Variants in CHMP2B observed in about 807,000 individuals in gnomAD.
CHMP2B encodes VPS2 homolog B.
In CHMP2B, 22 loss-of-function variants were observed where a neutral mutation model predicts 29.8. The ratio of observed to expected loss-of-function variants is 0.74; its 90% confidence interval spans 0.53 to 1.05. CHMP2B has a LOEUF of 1.05. CHMP2B is among the 50% of genes least tolerant of loss of function. CHMP2B has a pLI of 0.00. For synonymous variants in CHMP2B, 78 were observed against 75.8 expected (o/e 1.03, Z -0.15); for missense variants, 261 against 252.2 (o/e 1.03, Z -0.24).
chr3:87,249,361 A>G (rs979835090), intron 3 of CHMP2B, among the ~76,000 whole-genome samples: 1 of 152,132 alleles, frequency 6.6e-6, no homozygotes, highest in Non-Finnish European at 1.5e-5. Flanking sequence ...TGAATATATA[A>G]TGTAAGAGAA....
At chr3:87,230,228 C>T (rs1172069728) in intron 1 of CHMP2B, among the ~76,000 whole-genome samples, 4 of 152,088 alleles carry the variant, frequency 2.6e-5, no homozygotes, top group Admixed American at 2.0e-4. Context: ...TCTTTAAACA[C>T]TATATAATTT....
rs1200391966 is a variant in CHMP2B, at chr3:87,249,341, A to G, written c.322-534A>G. Among the ~76,000 whole-genome samples the G allele has an allele frequency of 2.0e-5, 3 of 152,192 alleles. No homozygotes were observed. The East Asian group carries it at 5.8e-4, about 29-fold the overall frequency. ...ACTAGAGAACATGAATCTCTTAATG[A>G]AATGAGTTGTGAATATATAATGTAA... is the stretch of plus-strand genomic sequence containing the variant. On this transcript the variant is annotated intron_variant, in intron 3 of 5. Transcript: ENST00000263780.
At chr3:87,250,669 T>G (rs1309913821) in intron 4 of CHMP2B, among the ~76,000 whole-genome samples, 1 of 151,984 alleles carries the variant, frequency 6.6e-6, no homozygotes, top group African/African-American at 2.4e-5. Flanking sequence ...TTTAATATCA[T>G]TTAACATCAG....
rs775142652 is a variant in CHMP2B, at chr3:87,240,754, A to C, written c.90A>C (p.Arg30Ser). 4 of 1,613,706 alleles carry C rather than the reference A, an allele frequency of 2.5e-6. No individual in the cohort carries two copies. The highest frequency in any genetic ancestry group is 1.3e-5 in the African/African-American group (1 of 75,014). Residue 30 changes from arginine to serine, a missense_variant, in exon 2 of 6, where the codon AGA becomes AGC. Physicochemically the swap from Arg to Ser is moderately radical, Grantham distance 110. Coordinates refer to ENST00000263780, the MANE Select transcript of CHMP2B (RefSeq NM_014043.4). ...GAGGTACACAGAGGGCTATAATCAG[A>C]GATCGAGCAGCTTTAGAGAAACAAG... ...ELRGTQRAII[R>S]DRAALEKQEK...
chr3:87,248,006 T>C (rs1706245391), intron 3 of CHMP2B, among the ~76,000 whole-genome samples: 1 of 151,938 alleles, frequency 6.6e-6, no homozygotes, highest in African/African-American at 2.4e-5. Flanking sequence ...AGAGAAAGTT[T>C]CAAGCCTCAA....
intron 2 of CHMP2B, among the ~76,000 whole-genome samples, chr3:87,242,051 G>T (rs916895324): frequency 6.6e-6 from 1 of 152,096 alleles, no homozygotes; most frequent in Non-Finnish European, 1.5e-5. Flanking sequence ...CACTAATGAT[G>T]TTGAACATCT....
intron 1 of CHMP2B, among the ~76,000 whole-genome samples, chr3:87,239,401 G>T (rs755551701): frequency 2.6e-5 from 4 of 152,056 alleles, no homozygotes; most frequent in Non-Finnish European, 5.9e-5. Flanking sequence ...TTACATTTAG[G>T]TTATTGGTCT....
chr3:87,245,525 A>T (rs1160090406), intron 2 of CHMP2B, among the ~76,000 whole-genome samples, 189 bp from the exon 3 acceptor site: 1 of 150,964 alleles, frequency 6.6e-6, no homozygotes, highest in Non-Finnish European at 1.5e-5. Context: ...TGTCCTTTCC[A>T]TGTAAACATG....
rs1706350609 is a variant in CHMP2B at position 87,253,464 on chromosome 3, T to A, written c.485T>A (p.Ile162Asn). 1 of 1,611,932 alleles carries A rather than the reference T, an allele frequency of 6.2e-7. No homozygotes were observed. Among genetic ancestry groups the A allele is most frequent in the African/African-American group, 1.3e-5 (1 of 74,858 alleles). ...GATGACGAAGAAGAAAGCCAGGATA[T>A]TGTGAATCAAGTTCTTGATGAAATT... ...GSDDEEESQD[I>N]VNQVLDEIGI... Residue 162 changes from isoleucine to asparagine, a missense_variant, in exon 5 of 6, where the codon ATT becomes AAT. Physicochemically the swap from Ile to Asn is moderately radical, Grantham distance 149 (BLOSUM62 -3). Coordinates refer to ENST00000263780, the MANE Select transcript of CHMP2B (RefSeq NM_014043.4).
rs1706367190 is a variant in CHMP2B at position 87,254,378 on chromosome 3, G to T, written c.*556G>T. 1 of 153,744 alleles carries T rather than the reference G, an allele frequency of 6.5e-6. No homozygotes were observed. Among genetic ancestry groups the T allele is most frequent in the Non-Finnish European group, 1.4e-5 (1 of 68,966 alleles). The allele number at this position is 153,744 out of a possible 1,614,324, so 9.5% of individuals were successfully genotyped here. ...CTTTTCTTTTTTCTTTTTCCATTAG[G>T]AGAACATTCTAGTTGGTAAATTTCA... On this transcript the variant is annotated 3_prime_UTR_variant, in exon 6 of 6. Coordinates refer to ENST00000263780, the MANE Select transcript of CHMP2B (RefSeq NM_014043.4).
intron 2 of CHMP2B, among the ~76,000 whole-genome samples, chr3:87,244,073 A>T (rs1338087793): frequency 6.4e-5 from 8 of 125,710 alleles, no homozygotes; most frequent in East Asian, 4.5e-4. Flanking sequence ...TTTGAGATGG[A>T]GTCTTGCTCT....
chr3:87,243,094 G>T (rs1246905940), intron 2 of CHMP2B, among the ~76,000 whole-genome samples: 1 of 151,996 alleles, frequency 6.6e-6, no homozygotes, highest in East Asian at 1.9e-4. Flanking sequence ...TCTGACCTAT[G>T]AAGTTATTAT....
At chr3:87,228,703 T>C (rs565345473) in intron 1 of CHMP2B, among the ~76,000 whole-genome samples, 1 of 152,358 alleles carries the variant, frequency 6.6e-6, no homozygotes, top group Non-Finnish European at 1.5e-5. Context: ...ACATTTTTCC[T>C]TACTCTGGGT....
chr3:87,240,754 A>T lies in CHMP2B; in HGVS notation c.90A>T (p.Arg30Ser), dbSNP rs775142652. 7.4e-6 allele frequency: 12 copies of T among 1,613,706 alleles called. No individual in the cohort carries two copies. In the Middle Eastern group the frequency reaches 8.3e-4, roughly 111 times the overall value. Residue 30 changes from arginine to serine, a missense_variant, in exon 2 of 6, where the codon AGA becomes AGT. By Grantham distance (110) the Arg-to-Ser change is moderately radical. Coordinates refer to ENST00000263780, the MANE Select transcript of CHMP2B (RefSeq NM_014043.4). ...GAGGTACACAGAGGGCTATAATCAG[A>T]GATCGAGCAGCTTTAGAGAAACAAG... ...ELRGTQRAIIRDRAALEKQEK... is the reference protein window; with the variant it reads ...ELRGTQRAIISDRAALEKQEK...
intron 4 of CHMP2B, chr3:87,253,181 G>T: frequency 2.2e-6 from 1 of 451,302 alleles, no homozygotes; most frequent in South Asian, 2.5e-5. Flanking sequence ...AGACTTGTTT[G>T]CTATAAGATA....
chr3:87,250,724 T>G (rs1706301255), intron 4 of CHMP2B, among the ~76,000 whole-genome samples: 1 of 151,936 alleles, frequency 6.6e-6, no homozygotes, highest in Admixed American at 6.6e-5. Flanking sequence ...TCAATAAGAT[T>G]GTTGTAAAAT....
chr3:87,243,634 G>A (rs1706161434), intron 2 of CHMP2B, among the ~76,000 whole-genome samples: 1 of 152,014 alleles, frequency 6.6e-6, no homozygotes, highest in Non-Finnish European at 1.5e-5. Context: ...TTTTCTTTGT[G>A]GGTAGGTTAT....
At chr3:87,229,041 A>G (rs922286288) in intron 1 of CHMP2B, among the ~76,000 whole-genome samples, 21 of 152,120 alleles carry the variant, frequency 1.4e-4, no homozygotes, top group Admixed American at 1.2e-3. Flanking sequence ...TGGAGAAAAA[A>G]TGGTTTCATC....
chr3:87,239,683 G>A (rs377042797), intron 1 of CHMP2B, among the ~76,000 whole-genome samples: 21 of 152,188 alleles, frequency 1.4e-4, no homozygotes, highest in African/African-American at 5.1e-4. Flanking sequence ...CTAACATTGA[G>A]TTTTCTTAAT....
Sources: allele counts gnomAD v4.1 joint callset (sites outside exome capture counted in the v4.1 genomes callset), GRCh38; gene constraint gnomAD v4.1.1; transcripts MANE v1.5; gene names NCBI Gene and HGNC (gene_info 2026-07-23, HGNC 2026-07-21).